The following TVP23A variants were observed in gnomAD, a reference collection of about 807,000 sequenced individuals.
TVP23A encodes the protein Golgi apparatus membrane protein TVP23 homolog A.
In TVP23A, 21 loss-of-function variants were observed where a neutral mutation model predicts 31.7. That is an observed-to-expected ratio of 0.66 (90% CI 0.47 to 0.95). The LOEUF is 0.95. Ranked by LOEUF, TVP23A falls within the 40% of genes least tolerant of loss-of-function variation. The pLI, the probability that TVP23A is intolerant of heterozygous loss-of-function variation, is 0.00. For missense variants in TVP23A, 279 were observed against 255.6 expected (o/e 1.09, Z -0.62); for synonymous variants, 104 against 96.0 (o/e 1.08, Z -0.49).
intron 4 of TVP23A, among the ~76,000 whole-genome samples, chr16:10,773,823 C>T (rs546160486): frequency 6.6e-5 from 10 of 152,034 alleles, no homozygotes; most frequent in Non-Finnish European, 5.9e-5. Context: ...CACCCACCTC[C>T]GCCTCCCAAA....
In TVP23A at chr16:10,818,643, G is replaced by T; in HGVS notation, c.-150C>A. On this transcript the variant is annotated 5_prime_UTR_variant, in exon 1 of 8. Coordinates refer to ENST00000299866, the MANE Select transcript of TVP23A (RefSeq NM_001079512.4). This position sits in a 1 kb window ranked among gnomAD's most constrained non-coding sequence, Gnocchi z 4.7. ...CTGCGCCCTGTGGGGCAGCCTCAGC[G>T]CAGCTTCTCGGGTGGGGCGGGGCGC... The T allele has an allele frequency of 1.0e-6, 1 of 998,066 alleles. No homozygotes were observed. Among genetic ancestry groups the T allele is most frequent in the Non-Finnish European group, 1.4e-6 (1 of 726,384 alleles). 61.8% of individuals were successfully genotyped at this position (998,066 alleles called of 1,614,324 possible).
At chr16:10,816,113 G>A (rs1202810514) in intron 2 of TVP23A, among the ~76,000 whole-genome samples, 1 of 151,660 alleles carries the variant, frequency 6.6e-6, no homozygotes, top group Admixed American at 6.6e-5. Flanking sequence ...TATAGTCCTA[G>A]CTACTAGGGA....
intron 2 of TVP23A, among the ~76,000 whole-genome samples, chr16:10,793,863 C>T (rs2033237884): frequency 8.4e-6 from 1 of 118,380 alleles, no homozygotes; most frequent in Non-Finnish European, 1.6e-5. Flanking sequence ...CACACCACTG[C>T]ATTCCAGCCT....
chr16:10,775,177 G>C (rs969454538), intron 2 of TVP23A, 81 bp from the exon 3 acceptor site: 1 of 1,519,368 alleles, frequency 6.6e-7, no homozygotes, highest in African/African-American at 1.4e-5. Context: ...TTCAGACTTT[G>C]CTGGGGGTGT....
At chr16:10,793,901 C>CAAAAAAAAAAAA (rs61392688) in intron 2 of TVP23A, among the ~76,000 whole-genome samples, 4 of 39,180 alleles carry the variant, frequency 1.0e-4, no homozygotes, top group East Asian at 4.5e-4. Flanking sequence ...CCTGTCTCAC[C>CAAAAAAAAAAAA]AAAAAAAAAA....
Position 10,774,968 on chromosome 16 carries a change from T to C in TVP23A, c.218A>G (p.Asp73Gly). Residue 73 changes from aspartate (D) to glycine (G), a missense_variant, in exon 3 of 8, where the codon GAC (aspartate) becomes GGC (glycine). Physicochemically the swap from Asp to Gly is moderately conservative, Grantham distance 94. Transcript: ENST00000299866. Reference protein sequence around the residue: ...FVMVLLLLSLDFWSVKNVTGR... With the variant: ...FVMVLLLLSLGFWSVKNVTGR... ...GGGCCTCACCTTCACAGACCAGAAG[T>C]CCAGGGACAGGAGGAGCAGCACCAT... 1.9e-6 allele frequency: 3 copies of C among 1,612,740 alleles called. No individual in the cohort carries two copies. The highest frequency in any genetic ancestry group is 2.5e-6 in the Non-Finnish European group (3 of 1,179,350).
intron 5 of TVP23A, among the ~76,000 whole-genome samples, chr16:10,773,070 T>G (rs149398844): frequency 0.015 from 2,313 of 152,304 alleles, 76 homozygotes; most frequent in African/African-American, 0.052. Context: ...CTCGAACTCC[T>G]GAGCTCAAGC....
chr16:10,771,029 G>A (rs1179986232), intron 6 of TVP23A, among the ~76,000 whole-genome samples: 1 of 152,014 alleles, frequency 6.6e-6, no homozygotes, highest in Non-Finnish European at 1.5e-5. Flanking sequence ...CAAACCAATA[G>A]ATACAGAAAG....
chr16:10,772,376 T>C (rs889246000), intron 5 of TVP23A, among the ~76,000 whole-genome samples: 9 of 152,184 alleles, frequency 5.9e-5, no homozygotes, highest in African/African-American at 2.2e-4. Flanking sequence ...TCTCTATTTA[T>C]TGATTTTTTT....
chr16:10,775,622 T>TG (rs1199181019), intron 2 of TVP23A: 4 of 843,534 alleles, frequency 4.7e-6, no homozygotes, highest in Admixed American at 5.9e-5. Flanking sequence ...GAATGGCACG[T>TG]GAATCCTGGC....
intron 2 of TVP23A, among the ~76,000 whole-genome samples, chr16:10,796,520 C>T (rs2033397294): frequency 6.6e-6 from 1 of 152,130 alleles, no homozygotes; most frequent in Non-Finnish European, 1.5e-5. Flanking sequence ...GCAAGCTCTG[C>T]CTCCCGGGTT....
exon 9 of TVP23A, chr16:10,761,355 CCTT>C (rs767909676): frequency 2.9e-5 from 47 of 1,613,034 alleles, no homozygotes; most frequent in Non-Finnish European, 4.0e-5. Flanking sequence ...GGTCTTTTCA[CCTT>C]CGTAGGAGGT....
exon 9 of TVP23A, chr16:10,761,278 C>A: frequency 1.6e-6 from 2 of 1,233,956 alleles, no homozygotes; most frequent in Non-Finnish European, 2.3e-6. Flanking sequence ...CGCAGATCCA[C>A]TGCATTGCAG....
chr16:10,790,277 A>AC (rs2033025161), intron 2 of TVP23A, among the ~76,000 whole-genome samples: 1 of 135,732 alleles, frequency 7.4e-6, no homozygotes, highest in Non-Finnish European at 1.5e-5. Context: ...TCTTGGGGTA[A>AC]AATTTTTTTT....
At chr16:10,762,069 G>T, downstream of TVP23A, 1 of 508,034 alleles carries the variant, frequency 2.0e-6, no homozygotes, top group East Asian at 3.2e-5. Context: ...GAGCAAGCAG[G>T]CCTCAGGCAG....
At chr16:10,757,896 G>A (rs757975304), downstream of TVP23A, 2 of 1,613,976 alleles carry the variant, frequency 1.2e-6, no homozygotes, top group Non-Finnish European at 8.5e-7. The surrounding 1 kb of genome is among the most constrained non-coding windows in gnomAD (Gnocchi z 4.1). Flanking sequence ...GTTCCTCCGA[G>A]ATGTGGACTG....
intron 2 of TVP23A, among the ~76,000 whole-genome samples, chr16:10,799,953 T>C (rs988755360): frequency 2.0e-5 from 3 of 151,596 alleles, no homozygotes; most frequent in East Asian, 1.9e-4. Context: ...CTCACAGAGA[T>C]TGCAGAAGTT....
Position 10,818,461 on chromosome 16 carries a change from G to T in TVP23A, c.9+24C>A, listed in dbSNP as rs765280876. 1.9e-6 allele frequency: 3 copies of T among 1,603,346 alleles called. No individual in the cohort carries two copies. The South Asian group carries it at 3.3e-5, about 18-fold the overall frequency. ...CTCCCCTCGTCCCGCCCCGCCTCCAGCCCCAGCATCCCCGAGGCCCTACCT... is the reference window on the plus strand; with the variant it reads ...CTCCCCTCGTCCCGCCCCGCCTCCATCCCCAGCATCCCCGAGGCCCTACCT... On this transcript the variant is annotated intron_variant, in intron 1 of 7. Transcript: ENST00000299866. This position sits in a 1 kb window ranked among gnomAD's most constrained non-coding sequence, Gnocchi z 4.7.
Position 10,769,137 on chromosome 16 carries a change from C to G in TVP23A, c.*1-36G>C. ...AGAATGTTCAGGACCAAGCAGTTAC[C>G]GAGCGAGGCACTCACTGGGCAGCAC... On this transcript the variant is annotated intron_variant, in intron 7 of 7. Coordinates refer to ENST00000299866, the MANE Select transcript of TVP23A (RefSeq NM_001079512.4). The G allele has an allele frequency of 4.4e-6, 7 of 1,607,292 alleles. No individual in the cohort carries two copies. In the South Asian group the frequency reaches 7.7e-5, roughly 18 times the overall value.
Sources: gnomAD v4.1 joint callset for allele counts (sites outside exome capture counted in the v4.1 genomes callset) on GRCh38, gnomAD v4.1.1 for gene constraint, Gnocchi (gnomAD v3.1) non-coding constraint, MANE v1.5 for transcripts, NCBI Gene and HGNC (gene_info 2026-07-23, HGNC 2026-07-21) for gene names.